Variants in CLCA2 observed in about 807,000 individuals in gnomAD.
CLCA2 encodes the protein chloride channel accessory 2.
A neutral mutation model predicts 82.9 loss-of-function variants in CLCA2; 85 were observed. The ratio of observed to expected loss-of-function variants is 1.03; its 90% CI spans 0.86 to 1.23. The LOEUF (loss-of-function observed/expected upper bound fraction) is 1.23, where lower values mean the gene tolerates loss of function less well. Among genes scored for constraint, CLCA2 ranks in the 50% most tolerant of loss-of-function variants. CLCA2 has a pLI of 0.00. For missense variants in CLCA2, 1,089 were observed against 1,124.8 expected (o/e 0.97, Z 0.45); for synonymous variants, 421 against 391.7 (o/e 1.07, Z -0.88).
At position 86,439,076 on chromosome 1, in the gene CLCA2, C is replaced by G. The variant is rs1662673220; in HGVS notation, c.1173C>G (p.Ser391Arg). The change falls in exon 7 of 14, where the codon AGC (serine) becomes AGG (arginine). Residue 391 changes from serine to arginine, a missense_variant. Transcript: ENST00000370565. ...CTGTATCAGCTAAAACAGACATCAGCATTTGTTCAGGGCTTAAGAAAGGAT... is the reference window on the plus strand; with the variant it reads ...CTGTATCAGCTAAAACAGACATCAGGATTTGTTCAGGGCTTAAGAAAGGAT... Reference protein sequence around the residue: ...PTTVSAKTDISICSGLKKGFE... With the variant: ...PTTVSAKTDIRICSGLKKGFE... 1.2e-6 allele frequency: 2 copies of G among 1,613,984 alleles called. No homozygotes were observed. The highest frequency in any genetic ancestry group is 1.7e-6 in the Non-Finnish European group (2 of 1,179,976).
chr1:86,438,093 T>C (rs768636485), intron 6 of CLCA2, among the ~76,000 whole-genome samples: 2 of 152,112 alleles, frequency 1.3e-5, no homozygotes, highest in South Asian at 2.1e-4. Context: ...GAAACCTGTG[T>C]CCTAAGAAGT....
At chr1:86,435,040 C>T (rs56104000) in intron 6 of CLCA2, among the ~76,000 whole-genome samples, 42,498 of 152,142 alleles carry the variant, frequency 0.28, 6,489 homozygotes, top group Non-Finnish European at 0.34. Flanking sequence ...AGTGATCTTC[C>T]CATCTCAGTC....
chr1:86,443,761 T>A lies in CLCA2; in HGVS notation c.1489-26T>A, dbSNP rs759100744. ...GAATGATTATGCATACACCAGAAAC[T>A]CTCATATATATCTTCTCTTTAACAG... On this transcript the variant is annotated intron_variant, in intron 9 of 13. Transcript: ENST00000370565. 5.1e-6 allele frequency: 8 copies of A among 1,555,184 alleles called. No homozygotes were observed. In the South Asian group the frequency reaches 6.8e-5, roughly 13 times the overall value.
intron 9 of CLCA2, among the ~76,000 whole-genome samples, chr1:86,442,818 A>T (rs1217064244): frequency 1.3e-5 from 2 of 152,192 alleles, no homozygotes; most frequent in African/African-American, 2.4e-5. Context: ...TCACGGTTCC[A>T]TTCCCTTGGT....
intron 2 of CLCA2, among the ~76,000 whole-genome samples, chr1:86,428,001 C>T (rs1334553800): frequency 6.6e-6 from 1 of 152,182 alleles, no homozygotes; most frequent in African/African-American, 2.4e-5. Context: ...TTACAGCCTT[C>T]TGAATGGTTC....
At position 86,443,230 on chromosome 1, in the gene CLCA2, T is replaced by C. The variant is rs1327815162; in HGVS notation, c.1489-557T>C. On this transcript the variant is annotated intron_variant, in intron 9 of 13. Coordinates refer to ENST00000370565, the MANE Select transcript of CLCA2 (RefSeq NM_006536.7). The stretch of plus-strand genomic sequence containing the variant: ...TTTTAGTACAGAAAGGGTTTCACCA[T>C]GTTGGCCAGACTAGTCTCAAACTCC... 2.0e-5 allele frequency among the ~76,000 whole-genome samples: 3 copies of C among 152,118 alleles called. No individual in the cohort carries two copies. The East Asian group carries it at 5.8e-4, about 29-fold the overall frequency.
chr1:86,446,813 T>G (rs1235018944), intron 10 of CLCA2, among the ~76,000 whole-genome samples: 1 of 152,244 alleles, frequency 6.6e-6, no homozygotes, highest in Non-Finnish European at 1.5e-5. Context: ...GAATTTCTGC[T>G]ATATTGTAAT....
intron 7 of CLCA2, among the ~76,000 whole-genome samples, chr1:86,439,606 C>T (rs1662682614): frequency 6.6e-6 from 1 of 152,182 alleles, no homozygotes; most frequent in Non-Finnish European, 1.5e-5. Flanking sequence ...CATTCAGCAT[C>T]TGGGATGCTT....
intron 2 of CLCA2, among the ~76,000 whole-genome samples, chr1:86,428,110 A>G (rs766654790): frequency 7.2e-5 from 11 of 152,196 alleles, no homozygotes; most frequent in African/African-American, 1.7e-4. Context: ...ACTTTTGAGA[A>G]TATTTTAATC....
intron 12 of CLCA2, 147 bp from the exon 13 acceptor site, chr1:86,453,222 T>A: frequency 1.6e-6 from 1 of 614,996 alleles, no homozygotes; most frequent in South Asian, 2.0e-5. Context: ...GATGAATTAG[T>A]GTTCAAAGTA....
chr1:86,448,181 G>A, intron 11 of CLCA2: 1 of 168,310 alleles, frequency 5.9e-6, no homozygotes, highest in South Asian at 1.6e-4. Context: ...TCAGAAGGGA[G>A]GTGCAGTGAC....
At chr1:86,450,248 T>C (rs1448735672) in intron 11 of CLCA2, among the ~76,000 whole-genome samples, 3 of 152,174 alleles carry the variant, frequency 2.0e-5, no homozygotes, top group African/African-American at 7.2e-5. Context: ...CTGAAGAATG[T>C]GCTTGATTTC....
chr1:86,452,120 C>A (rs1662982237), intron 12 of CLCA2, among the ~76,000 whole-genome samples: 1 of 122,246 alleles, frequency 8.2e-6, no homozygotes, highest in African/African-American at 3.1e-5. Flanking sequence ...AATTTTTGTT[C>A]TTTTTCTCCT....
chr1:86,431,210 T>G (rs1292530545), intron 4 of CLCA2, among the ~76,000 whole-genome samples: 3 of 152,256 alleles, frequency 2.0e-5, no homozygotes, highest in African/African-American at 7.2e-5. Context: ...GTACCTGTCT[T>G]GCTTGCAGCA....
chr1:86,447,736 A>T lies in CLCA2; in HGVS notation c.1942A>T (p.Thr648Ser), dbSNP rs756918884. 4 of 1,613,882 alleles carry T rather than the reference A, an allele frequency of 2.5e-6. No homozygotes were observed. In the East Asian group the frequency reaches 8.9e-5, roughly 36 times the overall value. ...TGTCACTGCCACAGTTGAGCCAGAG[A>T]CTGGAGATCCTGTTACGCTGAGACT... ...ATVTATVEPE[T>S]GDPVTLRLLD... Residue 648 changes from threonine (T) to serine (S), a missense_variant, in exon 11 of 14, where the codon ACT (threonine) becomes TCT (serine). Coordinates refer to ENST00000370565, the MANE Select transcript of CLCA2 (RefSeq NM_006536.7).
intron 2 of CLCA2, among the ~76,000 whole-genome samples, chr1:86,427,005 C>T (rs527379296): frequency 6.6e-6 from 1 of 152,184 alleles, no homozygotes; most frequent in African/African-American, 2.4e-5. Context: ...CTGTTGGATA[C>T]CAATTCTTTA....
intron 11 of CLCA2, among the ~76,000 whole-genome samples, chr1:86,449,062 CT>C (rs1466620153): frequency 2.0e-5 from 3 of 152,162 alleles, no homozygotes; most frequent in Non-Finnish European, 4.4e-5. Flanking sequence ...AAAAATACTG[CT>C]CAGGCATCAA....
At chr1:86,451,688 G>A (rs1662970795) in intron 12 of CLCA2, among the ~76,000 whole-genome samples, 1 of 152,088 alleles carries the variant, frequency 6.6e-6, no homozygotes, top group African/African-American at 2.4e-5. Context: ...ACCATCTGGA[G>A]CCACATTGCC....
In CLCA2 at chr1:86,434,643, C is replaced by T; in HGVS notation, c.870C>T (p.Pro290=). The change falls in exon 6 of 14, where the codon CCC becomes CCT. Residue 290 remains proline, a synonymous_variant. Coordinates refer to ENST00000370565, the MANE Select transcript of CLCA2 (RefSeq NM_006536.7). ...CTGCTGACTTTCACCACAGCTTTCC[C>T]ATGAATGGGACTGAGCTTCCACCTC... The part of the protein sequence containing the change: ...TDSADFHHSF[P]MNGTELPPPP... 6.2e-7 allele frequency: 1 copy of T among 1,614,110 alleles called. No homozygotes were observed. The highest frequency in any genetic ancestry group is 8.5e-7 in the Non-Finnish European group (1 of 1,179,974).
Sources: allele counts gnomAD v4.1 joint callset (sites outside exome capture counted in the v4.1 genomes callset), GRCh38; gene constraint gnomAD v4.1.1; transcripts MANE v1.5; gene names NCBI Gene and HGNC (gene_info 2026-07-23, HGNC 2026-07-21).